MCUB: variants seen among roughly 807,000 people sequenced by gnomAD.
MCUB encodes the protein mitochondrial calcium uniporter dominant negative subunit beta.
A neutral mutation model predicts 41.4 loss-of-function variants in MCUB; 46 were observed. That is an observed-to-expected ratio of 1.11 (90% CI 0.88 to 1.42). The LOEUF is 1.42. MCUB is among the 40% of genes most tolerant of loss of function. MCUB has a pLI of 0.00. For missense variants in MCUB, 403 were observed against 404.9 expected, an observed-to-expected ratio of 1.00 and a Z score of 0.04; for synonymous variants, 148 against 148.2, an observed-to-expected ratio of 1.00 and a Z score of 0.01.
At chr4:109,574,732 G>A (rs539454405) in intron 1 of MCUB, among the ~76,000 whole-genome samples, 1 of 152,302 alleles carries the variant, frequency 6.6e-6, no homozygotes, top group South Asian at 2.1e-4. Flanking sequence ...CTTGAAGGTG[G>A]CAGCTGCACT....
At chr4:109,636,211 A>G (rs1479466248) in intron 1 of MCUB, among the ~76,000 whole-genome samples, 1 of 152,202 alleles carries the variant, frequency 6.6e-6, no homozygotes, top group Non-Finnish European at 1.5e-5. Context: ...TCTAGGTGGA[A>G]GTAGAGGCAA....
chr4:109,611,389 A>G (rs1325292884), intron 1 of MCUB, among the ~76,000 whole-genome samples: 2 of 152,240 alleles, frequency 1.3e-5, no homozygotes, highest in Non-Finnish European at 2.9e-5. Flanking sequence ...GCTAATCCTC[A>G]GGATATGTGA....
chr4:109,602,189 T>C (rs1177813025), intron 1 of MCUB, among the ~76,000 whole-genome samples: 3 of 152,230 alleles, frequency 2.0e-5, no homozygotes, highest in Non-Finnish European at 2.9e-5. Context: ...TTGTTGATTA[T>C]TTTCTTTGCT....
intron 1 of MCUB, among the ~76,000 whole-genome samples, chr4:109,647,906 ATAG>A (rs1180940288): frequency 4.6e-5 from 7 of 152,186 alleles, no homozygotes; most frequent in Non-Finnish European, 1.5e-5. Context: ...GCAGATGGAA[ATAG>A]TAGCTGTTAA....
chr4:109,659,472 C>T (rs1729177531), intron 2 of MCUB, among the ~76,000 whole-genome samples: 1 of 152,052 alleles, frequency 6.6e-6, no homozygotes, highest in Non-Finnish European at 1.5e-5. Context: ...TGCCTGTAGT[C>T]CCAGCTACCC....
chr4:109,581,128 T>C (rs1008724318), intron 1 of MCUB, among the ~76,000 whole-genome samples: 1 of 152,176 alleles, frequency 6.6e-6, no homozygotes, highest in Admixed American at 6.5e-5. Flanking sequence ...GACTTCAAAC[T>C]ATGCTACAAG....
At chr4:109,570,463 A>C (rs1242056283) in intron 1 of MCUB, among the ~76,000 whole-genome samples, 2 of 152,268 alleles carry the variant, frequency 1.3e-5, no homozygotes, top group Non-Finnish European at 2.9e-5. Context: ...GTAAAGGTCC[A>C]AATAGTAAAC....
intron 1 of MCUB, among the ~76,000 whole-genome samples, chr4:109,615,296 CCAAG>C (rs1331221131): frequency 6.6e-6 from 1 of 152,018 alleles, no homozygotes; most frequent in Non-Finnish European, 1.5e-5. Flanking sequence ...ATTATATCTT[CCAAG>C]CAGATGAGAA....
At chr4:109,630,439 G>A (rs1728449905) in intron 1 of MCUB, among the ~76,000 whole-genome samples, 1 of 152,108 alleles carries the variant, frequency 6.6e-6, no homozygotes, top group African/African-American at 2.4e-5. Context: ...TCCAGCCTGG[G>A]TGACACAGTG....
chr4:109,579,709 C>G (rs1362351037), intron 1 of MCUB, among the ~76,000 whole-genome samples: 1 of 152,100 alleles, frequency 6.6e-6, no homozygotes, highest in Non-Finnish European at 1.5e-5. Flanking sequence ...ACCTAAGGAT[C>G]AGTGCAAAAA....
intron 1 of MCUB, among the ~76,000 whole-genome samples, chr4:109,646,841 T>G (rs1253141262): frequency 6.6e-6 from 1 of 152,220 alleles, no homozygotes; most frequent in Non-Finnish European, 1.5e-5. Flanking sequence ...ACATGTGGTA[T>G]CTTATTTAAT....
Position 109,682,581 on chromosome 4 carries a change from G to C in MCUB, c.452-1G>C. 6.3e-7 allele frequency: 1 copy of C among 1,598,828 alleles called. No homozygotes were observed. Among genetic ancestry groups the C allele is most frequent in the Non-Finnish European group, 8.5e-7 (1 of 1,173,838 alleles). ...CTTGTTTCCCTTGTGTCTTTTCTCA[G>C]AAAAACCAAGTAATGAGCACACTGC... On this transcript the variant is annotated splice_acceptor_variant, in intron 4 of 7. Transcript: ENST00000394650. LOFTEE classifies it high-confidence loss of function.
chr4:109,682,805 C>T (rs1436212056), intron 5 of MCUB, 63 bp downstream of exon 5: 4 of 1,254,416 alleles, frequency 3.2e-6, no homozygotes, highest in Non-Finnish European at 4.4e-6. Flanking sequence ...GAGTGCTCCT[C>T]ATGTGAGCAT....
chr4:109,570,540 C>T (rs1040849699), intron 1 of MCUB, among the ~76,000 whole-genome samples: 2 of 152,228 alleles, frequency 1.3e-5, no homozygotes, highest in Non-Finnish European at 2.9e-5. Flanking sequence ...AGTGCAAAAG[C>T]AGCCATAAAT....
rs142578515 is a variant in MCUB, at chr4:109,573,491, G to A, written c.99+13055G>A. Among the ~76,000 whole-genome samples, 300 of 151,754 alleles carry A rather than the reference G, an allele frequency of 2.0e-3. 2 individuals carry two copies. The highest frequency in any genetic ancestry group is 7.0e-3 in the African/African-American group (289 of 41,382). On this transcript the variant is annotated intron_variant, in intron 1 of 7. Coordinates refer to ENST00000394650, the MANE Select transcript of MCUB (RefSeq NM_017918.5). The stretch of plus-strand genomic sequence containing the variant: ...AAGGAAGAGTGGTAGAAACAAAACC[G>A]ATTTAGCAATGCTAGGAAAAGGTTG...
chr4:109,676,473 T>G (rs1729579828), intron 4 of MCUB, among the ~76,000 whole-genome samples: 1 of 152,178 alleles, frequency 6.6e-6, no homozygotes, highest in Non-Finnish European at 1.5e-5. Flanking sequence ...CCATTATTGT[T>G]ATGGACTTGC....
At chr4:109,585,317 C>G (rs1211254535) in intron 1 of MCUB, among the ~76,000 whole-genome samples, 3 of 152,174 alleles carry the variant, frequency 2.0e-5, no homozygotes, top group Non-Finnish European at 4.4e-5. Context: ...CTTCCTCCAT[C>G]CCTTTATTTT....
At chr4:109,685,017 C>T in intron 6 of MCUB, 1 of 407,902 alleles carries the variant, frequency 2.5e-6, no homozygotes, top group Admixed American at 4.1e-5. Context: ...CTTCTTCTTT[C>T]CCATTATGTG....
intron 4 of MCUB, among the ~76,000 whole-genome samples, chr4:109,674,764 T>G (rs1305519735): frequency 6.6e-6 from 1 of 152,288 alleles, no homozygotes; most frequent in Non-Finnish European, 1.5e-5. Flanking sequence ...ATATTTTTGC[T>G]GCTGATATAT....
Sources: gnomAD v4.1 joint callset for allele counts (sites outside exome capture counted in the v4.1 genomes callset) on GRCh38, gnomAD v4.1.1 for gene constraint, MANE v1.5 for transcripts, NCBI Gene and HGNC (gene_info 2026-07-23, HGNC 2026-07-21) for gene names.